SNAP25: variants seen among roughly 807,000 people sequenced by gnomAD.
SNAP25 encodes synaptosomal-associated protein 25.
Under a neutral mutation model 28.7 loss-of-function variants are expected in SNAP25, and 3 were observed. That is an observed-to-expected ratio of 0.10 (90% CI 0.05 to 0.27). SNAP25 has a LOEUF of 0.27. Among genes scored for constraint, SNAP25 ranks in the 10% least tolerant of loss-of-function variants. The pLI, the probability that SNAP25 is intolerant of heterozygous loss-of-function variation, is 1.00. For missense variants in SNAP25, 117 were observed against 278.7 expected (o/e 0.42, Z 4.13); for synonymous variants, 61 against 88.1 (o/e 0.69, Z 1.72).
At chr20:10,285,140 C>T (rs955339160) in intron 4 of SNAP25, among the ~76,000 whole-genome samples, 9 of 152,056 alleles carry the variant, frequency 5.9e-5, no homozygotes, top group African/African-American at 1.4e-4. Flanking sequence ...TCTAACAATA[C>T]GTAGATAGAA....
At chr20:10,282,162 TGGAAGGAAGGAAGGAAGGAAGGAA>T (rs536313526) in intron 3 of SNAP25, among the ~76,000 whole-genome samples, 121 of 76,638 alleles carry the variant, frequency 1.6e-3, no homozygotes, top group Admixed American at 6.5e-3. Flanking sequence ...GAAGGAAGGA[TGGAAGGAAGGAAGGAAGGAAGGAA>T]GGAAGGAAGG....
chr20:10,240,119 T>C, intron 1 of SNAP25, among the ~76,000 whole-genome samples: 1 of 152,156 alleles, frequency 6.6e-6, no homozygotes, highest in Non-Finnish European at 1.5e-5. Context: ...CCAAGCTCAT[T>C]CAGGTTGTTT....
chr20:10,280,888 TC>T (rs2063767110), intron 3 of SNAP25, among the ~76,000 whole-genome samples: 1 of 148,764 alleles, frequency 6.7e-6, no homozygotes, highest in Admixed American at 6.8e-5. Context: ...TGCCAAACTT[TC>T]CCCTAAAAAT....
intron 1 of SNAP25, among the ~76,000 whole-genome samples, chr20:10,263,007 C>CTTT (rs1568598968): frequency 9.0e-5 from 7 of 77,948 alleles, no homozygotes; most frequent in Middle Eastern, 0.013. Flanking sequence ...CCCTGGGGTG[C>CTTT]TCTTTTTTTT....
intron 1 of SNAP25, among the ~76,000 whole-genome samples, chr20:10,233,181 T>G (rs1460634226): frequency 1.3e-5 from 2 of 152,206 alleles, no homozygotes; most frequent in Non-Finnish European, 2.9e-5. Context: ...GACCATATTA[T>G]GTGCACAGAT....
intron 1 of SNAP25, among the ~76,000 whole-genome samples, chr20:10,272,630 C>A (rs1453611913): frequency 6.6e-6 from 1 of 152,186 alleles, no homozygotes; most frequent in African/African-American, 2.4e-5. Flanking sequence ...TTAAATAAAA[C>A]ACAGTGTTCA....
intron 5 of SNAP25, 54 bp from the exon 6 acceptor site, chr20:10,296,871 G>A: frequency 6.2e-7 from 1 of 1,609,004 alleles, no homozygotes; most frequent in Non-Finnish European, 8.5e-7. Flanking sequence ...GACAATTGTT[G>A]AGAGCTTGCT....
rs568096486 is a variant in SNAP25 at position 10,240,364 on chromosome 20, A to G, written c.-64+21387A>G. Reference sequence around the variant, plus strand: ...GGCAATCTCCTTTTTTACTTATCTCAAAATCAAGTGATTGGGAGCCTTAAT... The same window carrying G: ...GGCAATCTCCTTTTTTACTTATCTCGAAATCAAGTGATTGGGAGCCTTAAT... On this transcript the variant is annotated intron_variant, in intron 1 of 7. Coordinates refer to ENST00000254976, the MANE Select transcript of SNAP25 (RefSeq NM_130811.4). 2.6e-5 allele frequency among the ~76,000 whole-genome samples: 4 copies of G among 152,276 alleles called. No individual in the cohort carries two copies. In the East Asian group the frequency reaches 7.7e-4, roughly 29 times the overall value.
chr20:10,225,630 CA>C (rs2062722500), intron 1 of SNAP25, among the ~76,000 whole-genome samples: 2 of 152,136 alleles, frequency 1.3e-5, no homozygotes, highest in South Asian at 4.1e-4. Context: ...GTCTAATTCT[CA>C]TGTCTTAAAT....
chr20:10,219,344 T>C (rs1832235986), intron 1 of SNAP25: 1 of 152,180 alleles, frequency 6.6e-6, no homozygotes, highest in Admixed American at 6.5e-5. Context: ...ACCCTATTAT[T>C]ATGACTGTTG....
At chr20:10,288,042 G>A (rs909671774) in intron 4 of SNAP25, among the ~76,000 whole-genome samples, 1 of 151,974 alleles carries the variant, frequency 6.6e-6, no homozygotes, top group Admixed American at 6.6e-5. Context: ...ATAGCTTTAG[G>A]AGATATACCT....
chr20:10,223,284 G>T (rs1050196405), intron 1 of SNAP25, among the ~76,000 whole-genome samples: 1 of 152,082 alleles, frequency 6.6e-6, no homozygotes, highest in Non-Finnish European at 1.5e-5. Context: ...TAACCTTGTG[G>T]TTACTACTCT....
At chr20:10,229,842 A>G (rs2062797050) in intron 1 of SNAP25, among the ~76,000 whole-genome samples, 1 of 152,130 alleles carries the variant, frequency 6.6e-6, no homozygotes, top group South Asian at 2.1e-4. Context: ...TCATACATAA[A>G]CAGGGGTTAG....
At position 10,306,243 on chromosome 20, in the gene SNAP25, C is replaced by G; in HGVS notation, c.*46C>G. The G allele has an allele frequency of 1.9e-6, 3 of 1,556,370 alleles. No individual in the cohort carries two copies. In the South Asian group the frequency reaches 3.4e-5, roughly 17 times the overall value. ...CTCCAAATGCTGTCGGGCAAGATAG[C>G]TCCTTCATGCTTTTCTCATGGTATT... On this transcript the variant is annotated 3_prime_UTR_variant, in exon 8 of 8. Transcript: ENST00000254976.
At chr20:10,253,688 AT>A (rs2063269273) in intron 1 of SNAP25, among the ~76,000 whole-genome samples, 1 of 152,108 alleles carries the variant, frequency 6.6e-6, no homozygotes, top group Admixed American at 6.5e-5. Flanking sequence ...TGAAAATGTA[AT>A]TTTTATATGC....
chr20:10,252,547 TGTA>T (rs1189214291), intron 1 of SNAP25, among the ~76,000 whole-genome samples: 1 of 152,208 alleles, frequency 6.6e-6, no homozygotes, highest in African/African-American at 2.4e-5. Flanking sequence ...TTACTTTTAT[TGTA>T]GTGATGGTTT....
At chr20:10,222,282 T>C (rs2062647981) in intron 1 of SNAP25, among the ~76,000 whole-genome samples, 1 of 152,250 alleles carries the variant, frequency 6.6e-6, no homozygotes, top group Non-Finnish European at 1.5e-5. Flanking sequence ...TGAGGACATA[T>C]GTGATTAATT....
intron 1 of SNAP25, among the ~76,000 whole-genome samples, chr20:10,265,071 T>C (rs2063485403): frequency 6.6e-6 from 1 of 152,168 alleles, no homozygotes. Flanking sequence ...TGCAAGATGG[T>C]ATATCAATTC....
chr20:10,285,553 A>G (rs2075548196), intron 4 of SNAP25, among the ~76,000 whole-genome samples: 1 of 152,032 alleles, frequency 6.6e-6, no homozygotes, highest in African/African-American at 2.4e-5. Flanking sequence ...TTTTCTTTTT[A>G]TTCATATTTT....
Sources: allele counts gnomAD v4.1 joint callset (sites outside exome capture counted in the v4.1 genomes callset), GRCh38; gene constraint gnomAD v4.1.1; transcripts MANE v1.5; gene names NCBI Gene and HGNC (gene_info 2026-07-23, HGNC 2026-07-21).